Variants in LRRC3B observed in about 807,000 individuals in gnomAD.
The protein encoded by LRRC3B is leucine rich repeat containing 3B, also known as leucine-rich repeat-containing protein 3B.
In LRRC3B, 2 loss-of-function variants were observed where a neutral mutation model predicts 12.8. That is an observed-to-expected ratio of 0.16 (90% CI 0.06 to 0.49). The LOEUF is 0.49. Among genes scored for constraint, LRRC3B ranks in the 20% least tolerant of loss-of-function variants. LRRC3B has a pLI of 0.96. For synonymous variants in LRRC3B, 132 were observed against 122.0 expected (o/e 1.08, Z -0.54); for missense variants, 189 against 319.4 (o/e 0.59, Z 3.11).
intron 1 of LRRC3B, among the ~76,000 whole-genome samples, chr3:26,686,662 A>C (rs1049951454): frequency 1.3e-5 from 2 of 152,222 alleles, no homozygotes; most frequent in African/African-American, 4.8e-5. Context: ...ATTAGTGACT[A>C]TTAACTGTTG....
chr3:26,642,624 G>A (rs1699054370), intron 1 of LRRC3B, among the ~76,000 whole-genome samples: 1 of 152,158 alleles, frequency 6.6e-6, no homozygotes, highest in Non-Finnish European at 1.5e-5. Flanking sequence ...ACACAGGCCT[G>A]TTTCTCTACA....
chr3:26,636,972 T>TTCTC (rs1164676086), intron 1 of LRRC3B, among the ~76,000 whole-genome samples: 33 of 76,146 alleles, frequency 4.3e-4, no homozygotes, highest in Admixed American at 6.9e-4. Flanking sequence ...CTTTCTTTCT[T>TTCTC]TCTCTCTCTC....
intron 1 of LRRC3B, among the ~76,000 whole-genome samples, chr3:26,650,760 A>C (rs1907166): frequency 6.6e-6 from 1 of 152,174 alleles, no homozygotes; most frequent in Non-Finnish European, 1.5e-5. Context: ...ACTGTAGCCT[A>C]TAAGAAAATT....
chr3:26,694,559 G>C (rs774046066), intron 1 of LRRC3B: 2 of 152,162 alleles, frequency 1.3e-5, no homozygotes, highest in Non-Finnish European at 2.9e-5. Context: ...GTCATTATCA[G>C]AACCACATCG....
At chr3:26,696,307 A>G (rs1700315357) in intron 1 of LRRC3B, among the ~76,000 whole-genome samples, 1 of 152,228 alleles carries the variant, frequency 6.6e-6, no homozygotes, top group Non-Finnish European at 1.5e-5. Flanking sequence ...ACATGTATGA[A>G]TTATGCATTT....
At chr3:26,709,746 T>C in exon 2 of LRRC3B, 1 of 1,614,156 alleles carries the variant, frequency 6.2e-7, no homozygotes, top group Non-Finnish European at 8.5e-7. Context: ...GTTCTTATGA[T>C]ACTGTGCTTT....
At chr3:26,634,217 T>C (rs528473616) in intron 1 of LRRC3B, among the ~76,000 whole-genome samples, 40 of 152,346 alleles carry the variant, frequency 2.6e-4, no homozygotes, top group African/African-American at 9.6e-4. Context: ...TTCTTGTCTT[T>C]CATGCCTTGC....
chr3:26,631,571 T>C (rs1170375174), intron 1 of LRRC3B, among the ~76,000 whole-genome samples: 1 of 152,138 alleles, frequency 6.6e-6, no homozygotes, highest in Non-Finnish European at 1.5e-5. Context: ...TTATCCAGTG[T>C]TGGGAGAAGA....
intron 1 of LRRC3B, among the ~76,000 whole-genome samples, chr3:26,707,389 A>G (rs1301890478): frequency 6.6e-6 from 1 of 152,098 alleles, no homozygotes; most frequent in East Asian, 1.9e-4. Context: ...AAAATAATAA[A>G]TAAATAAAGC....
In LRRC3B at chr3:26,709,914, A is replaced by G. The variant is rs367798469; in HGVS notation, c.242A>G (p.Asn81Ser). The G allele has an allele frequency of 5.1e-5, 82 of 1,614,074 alleles. 1 individual carries two copies. The highest frequency in any genetic ancestry group is 2.7e-4 in the South Asian group (25 of 91,082). Residue 81 changes from asparagine to serine, a missense_variant, in exon 2 of 2, where the codon AAT becomes AGT. Asn to Ser is a conservative substitution (Grantham distance 46). Coordinates refer to ENST00000396641, the Ensembl canonical transcript of LRRC3B. ...TCCAATCAGATCACATCTATTCCCAATGAAATTTTTAAGGACCTCCATCAA... is the reference window on the plus strand; with the variant it reads ...TCCAATCAGATCACATCTATTCCCAGTGAAATTTTTAAGGACCTCCATCAA...
At chr3:26,706,821 C>T (rs1054475475) in intron 1 of LRRC3B, among the ~76,000 whole-genome samples, 3 of 152,094 alleles carry the variant, frequency 2.0e-5, no homozygotes, top group African/African-American at 7.2e-5. Flanking sequence ...ACTATGTTGC[C>T]ATATAAGACC....
intron 1 of LRRC3B, among the ~76,000 whole-genome samples, chr3:26,684,243 A>G (rs1016921414): frequency 1.3e-5 from 2 of 152,238 alleles, no homozygotes; most frequent in Admixed American, 6.5e-5. Flanking sequence ...AGTAGATTGT[A>G]TGTAACTGTC....
chr3:26,681,923 C>T (rs1161477364), intron 1 of LRRC3B, among the ~76,000 whole-genome samples: 1 of 152,160 alleles, frequency 6.6e-6, no homozygotes, highest in Non-Finnish European at 1.5e-5. Flanking sequence ...TTCTTCCATA[C>T]ATACAAGTTT....
At position 26,689,575 on chromosome 3, in the gene LRRC3B, T is replaced by C. The variant is rs546093497; in HGVS notation, c.-160-19938T>C. Among the ~76,000 whole-genome samples the C allele has an allele frequency of 3.3e-5, 5 of 152,324 alleles. No homozygotes were observed. In the South Asian group the frequency reaches 6.2e-4, roughly 19 times the overall value. On this transcript the variant is annotated intron_variant, in intron 1 of 1. Coordinates refer to ENST00000396641, the Ensembl canonical transcript of LRRC3B. ...CTTCCTCCTTTTGTTTTGAACCTGA[T>C]TGTGCAAGGAGGAGCCGGTAATTAG...
intron 1 of LRRC3B, among the ~76,000 whole-genome samples, chr3:26,708,391 G>C (rs1417001051): frequency 3.3e-5 from 5 of 152,206 alleles, no homozygotes; most frequent in Admixed American, 3.3e-4. Flanking sequence ...GATACTTATA[G>C]AGTAGATGAG....
At chr3:26,658,898 AAG>A (rs1172403329) in intron 1 of LRRC3B, among the ~76,000 whole-genome samples, 1 of 152,218 alleles carries the variant, frequency 6.6e-6, no homozygotes, top group Non-Finnish European at 1.5e-5. Flanking sequence ...TACCTGAAAA[AAG>A]GATTGTTAAC....
chr3:26,696,655 G>A (rs915246392), intron 1 of LRRC3B, among the ~76,000 whole-genome samples: 4 of 152,026 alleles, frequency 2.6e-5, no homozygotes, highest in Admixed American at 2.0e-4. Context: ...AATTCTGTGG[G>A]CCCCTCACTG....
chr3:26,631,695 G>A (rs28694000), intron 1 of LRRC3B, among the ~76,000 whole-genome samples: 7,769 of 151,314 alleles, frequency 0.051, 533 homozygotes, highest in East Asian at 0.16. Context: ...TGACCTTGTA[G>A]GGGTGGCAAC....
rs1700698197 is a variant in LRRC3B at position 26,709,625 on chromosome 3, T to TGTTGGAGTAGATGAG, written c.-46_-32dup. 5.1e-6 allele frequency: 8 copies of TGTTGGAGTAGATGAG among 1,580,726 alleles called. No individual in the cohort carries two copies. The highest frequency in any genetic ancestry group is 3.4e-4 in the Middle Eastern group (2 of 5,924). On this transcript the variant is annotated 5_prime_UTR_variant, in exon 2 of 2. The change creates a new upstream start codon in the 5' untranslated region. Coordinates refer to ENST00000396641, the Ensembl canonical transcript of LRRC3B. Reference sequence around the variant, plus strand: ...ACAGGGCTGGAACCTTTACCACGCTTGTTGGAGTAGATGAGGAATGGGCTC... The same window carrying TGTTGGAGTAGATGAG: ...ACAGGGCTGGAACCTTTACCACGCTTGTTGGAGTAGATGAGGTTGGAGTAGATGAGGAATGGGCTC...
Sources: gnomAD v4.1 joint callset for allele counts (sites outside exome capture counted in the v4.1 genomes callset) on GRCh38, gnomAD v4.1.1 for gene constraint, MANE v1.5 for transcripts, NCBI Gene and HGNC (gene_info 2026-07-23, HGNC 2026-07-21) for gene names.